Variants in FMN1 observed in about 807,000 individuals in gnomAD.
FMN1 encodes the protein formin 1.
A neutral mutation model predicts 132.4 loss-of-function variants in FMN1; 110 were observed. The ratio of observed to expected loss-of-function variants is 0.83; its 90% CI spans 0.71 to 0.97. The LOEUF (loss-of-function observed/expected upper bound fraction) is 0.97. FMN1 is among the 50% of genes least tolerant of loss of function. The pLI is 0.00. For missense variants in FMN1, 1,792 were observed against 1,705.3 expected (o/e 1.05, Z -0.90); for synonymous variants, 722 against 651.7 (o/e 1.11, Z -1.64).
intron 5 of FMN1, chr15:33,067,014 C>T: frequency 6.2e-7 from 1 of 1,614,016 alleles, no homozygotes; most frequent in Non-Finnish European, 8.5e-7. Context: ...GTCTCTCCTC[C>T]CTCAGCGGTA....
intron 4 of FMN1, among the ~76,000 whole-genome samples, chr15:33,123,615 G>A (rs1341243170): frequency 6.6e-6 from 1 of 152,174 alleles, no homozygotes; most frequent in African/African-American, 2.4e-5. Context: ...GTTATATAGT[G>A]AGGGTTGTTG....
chr15:33,111,516 A>G (rs1253767537), intron 4 of FMN1, among the ~76,000 whole-genome samples: 1 of 152,222 alleles, frequency 6.6e-6, no homozygotes, highest in African/African-American at 2.4e-5. Context: ...GTCCACACAA[A>G]AACTTGTACA....
chr15:32,875,842 G>A (rs1562930), intron 16 of FMN1, among the ~76,000 whole-genome samples: 77,938 of 151,754 alleles, frequency 0.51, 20,196 homozygotes, highest in South Asian at 0.55. Context: ...TAAAGAAAAT[G>A]TTTTGACCCA....
intron 9 of FMN1, among the ~76,000 whole-genome samples, chr15:32,928,432 T>TA: frequency 6.6e-6 from 1 of 152,082 alleles, no homozygotes. Flanking sequence ...CTTCATCTAA[T>TA]AAAAAAATTA....
chr15:32,903,754 G>C (rs1464455873), intron 12 of FMN1, among the ~76,000 whole-genome samples: 4 of 152,166 alleles, frequency 2.6e-5, no homozygotes, highest in Non-Finnish European at 5.9e-5. Flanking sequence ...AATATGAGGC[G>C]ACAAGACCAT....
At chr15:33,003,323 CCTT>C (rs1389151141) in intron 7 of FMN1, among the ~76,000 whole-genome samples, 4 of 152,172 alleles carry the variant, frequency 2.6e-5, no homozygotes, top group Non-Finnish European at 5.9e-5. Flanking sequence ...CCCAAAATCT[CCTT>C]AAGCTGATAA....
intron 6 of FMN1, among the ~76,000 whole-genome samples, chr15:33,023,982 A>T (rs1216605720): frequency 1.3e-5 from 2 of 152,174 alleles, no homozygotes; most frequent in Non-Finnish European, 2.9e-5. Flanking sequence ...AAGCCACATA[A>T]ATGGAGAAGA....
intron 7 of FMN1, among the ~76,000 whole-genome samples, chr15:32,975,787 T>C (rs1391291230): frequency 6.6e-6 from 1 of 152,068 alleles, no homozygotes; most frequent in Non-Finnish European, 1.5e-5. Context: ...ATGAACCACA[T>C]TTGTGATTCT....
At chr15:33,062,324 A>C (rs761879604) in intron 6 of FMN1, among the ~76,000 whole-genome samples, 2 of 152,198 alleles carry the variant, frequency 1.3e-5, no homozygotes, top group African/African-American at 4.8e-5. Flanking sequence ...TCATTTAAAG[A>C]GTTTAAATAA....
At chr15:32,825,238 A>G (rs2058334694) in intron 17 of FMN1, among the ~76,000 whole-genome samples, 1 of 152,200 alleles carries the variant, frequency 6.6e-6, no homozygotes, top group Non-Finnish European at 1.5e-5. Flanking sequence ...AATCTTTTAA[A>G]ACATGAATGT....
chr15:33,001,035 C>A (rs1268033134), intron 7 of FMN1, among the ~76,000 whole-genome samples: 2 of 152,188 alleles, frequency 1.3e-5, no homozygotes, highest in Non-Finnish European at 2.9e-5. Context: ...GTAATCCCAG[C>A]ACTTTGGGAG....
chr15:32,892,749 G>A (rs1199856123), intron 15 of FMN1, among the ~76,000 whole-genome samples: 1 of 151,976 alleles, frequency 6.6e-6, no homozygotes, highest in Non-Finnish European at 1.5e-5. Flanking sequence ...CTTGTTACTG[G>A]TCTGTTCACG....
At chr15:33,105,475 A>G (rs1595480948) in intron 4 of FMN1, among the ~76,000 whole-genome samples, 1 of 152,148 alleles carries the variant, frequency 6.6e-6, no homozygotes. Flanking sequence ...AATGGTTCAG[A>G]CTTCTCAGAA....
intron 4 of FMN1, among the ~76,000 whole-genome samples, chr15:33,144,530 C>T (rs561184493): frequency 2.0e-3 from 304 of 150,818 alleles, no homozygotes; most frequent in Non-Finnish European, 3.2e-3. Context: ...CCAGGCTACT[C>T]GGGAGGCTGA....
At chr15:33,037,882 A>T (rs959542547) in intron 6 of FMN1, among the ~76,000 whole-genome samples, 4 of 152,248 alleles carry the variant, frequency 2.6e-5, no homozygotes, top group Admixed American at 2.6e-4. Context: ...TTTCAGTCTA[A>T]AAAGCTGCAA....
intron 18 of FMN1, among the ~76,000 whole-genome samples, chr15:32,801,477 C>A (rs1156434318): frequency 6.6e-6 from 1 of 152,006 alleles, no homozygotes; most frequent in Non-Finnish European, 1.5e-5. Context: ...CAAGAATGTG[C>A]CTTATTTGGC....
chr15:32,818,012 TAG>T (rs981822420), intron 17 of FMN1, among the ~76,000 whole-genome samples: 1 of 152,226 alleles, frequency 6.6e-6, no homozygotes, highest in African/African-American at 2.4e-5. Flanking sequence ...ATCCTCATTG[TAG>T]AACATTTGAG....
chr15:33,072,932 A>AC (rs537324064), intron 5 of FMN1, among the ~76,000 whole-genome samples: 115 of 152,014 alleles, frequency 7.6e-4, no homozygotes, highest in Admixed American at 1.4e-3. Context: ...CAAAAAAAAA[A>AC]AAAAACAAAA....
intron 6 of FMN1, among the ~76,000 whole-genome samples, chr15:33,032,628 T>C (rs1253929764): frequency 6.6e-6 from 1 of 152,204 alleles, no homozygotes; most frequent in Non-Finnish European, 1.5e-5. Context: ...TTTGCACAAT[T>C]AAAATAACTT....
Sources: gnomAD v4.1 joint callset for allele counts (sites outside exome capture counted in the v4.1 genomes callset) on GRCh38, gnomAD v4.1.1 for gene constraint, MANE v1.5 for transcripts, NCBI Gene and HGNC (gene_info 2026-07-23, HGNC 2026-07-21) for gene names.